Variants in PHF24 observed in about 807,000 individuals in gnomAD.
PHF24 encodes the protein Galpha inhibitory interacting protein.
A neutral mutation model predicts 42.6 loss-of-function variants in PHF24; 25 were observed. The observed-to-expected ratio is 0.59, with a 90% CI of 0.43 to 0.82. PHF24 has a LOEUF of 0.82. PHF24 is among the 40% of genes least tolerant of loss of function. The pLI is 0.00. For synonymous variants in PHF24, 185 were observed against 204.8 expected (o/e 0.90, Z 0.83); for missense variants, 470 against 538.1 (o/e 0.87, Z 1.25).
chr9:34,729,201 G>A, the PHF24 span: 1 of 1,439,362 alleles, frequency 6.9e-7, no homozygotes. Context: ...AAATTCTGGG[G>A]TGGGGATTAT....
At chr9:34,683,701 A>T in the PHF24 span, among the ~76,000 whole-genome samples, 1 of 152,230 alleles carries the variant, frequency 6.6e-6, no homozygotes, top group Admixed American at 6.5e-5. Flanking sequence ...ATTGGAAGCT[A>T]CTTGGGGGCA....
chr9:34,876,819 C>T, the PHF24 span, among the ~76,000 whole-genome samples: 1 of 152,142 alleles, frequency 6.6e-6, no homozygotes, highest in Non-Finnish European at 1.5e-5. Flanking sequence ...CAATTTTACT[C>T]CTGGGTATAT....
At chr9:34,688,597 C>T in the PHF24 span, among the ~76,000 whole-genome samples, 1 of 152,182 alleles carries the variant, frequency 6.6e-6, no homozygotes, top group Non-Finnish European at 1.5e-5. Context: ...CCGTGGGCCT[C>T]TCTCCTGTCT....
chr9:34,972,556 A>T (rs1477007612), intron 3 of PHF24, 25 bp downstream of exon 3: 1 of 1,567,504 alleles, frequency 6.4e-7, no homozygotes, highest in South Asian at 1.2e-5. Context: ...CAGGGACAGC[A>T]GAGGACTTGG....
chr9:34,886,864 C>CTATCTA, the PHF24 span, among the ~76,000 whole-genome samples: 1 of 71,812 alleles, frequency 1.4e-5, no homozygotes, highest in Non-Finnish European at 3.6e-5. Flanking sequence ...CTATCTATCT[C>CTATCTA]TGGCTGTCTA....
the PHF24 span, among the ~76,000 whole-genome samples, chr9:34,790,998 T>C: frequency 6.6e-6 from 1 of 152,226 alleles, no homozygotes; most frequent in Non-Finnish European, 1.5e-5. Context: ...ATGTAGGGGC[T>C]TGTAGGCCAA....
the PHF24 span, among the ~76,000 whole-genome samples, chr9:34,887,653 A>G: frequency 1.3e-5 from 2 of 152,076 alleles, no homozygotes; most frequent in African/African-American, 4.8e-5. Context: ...TTTCCTAGTG[A>G]TACCTTCCCT....
chr9:34,965,145 C>T (rs964186918), intron 1 of PHF24, among the ~76,000 whole-genome samples: 2 of 152,162 alleles, frequency 1.3e-5, no homozygotes, highest in Admixed American at 6.5e-5. Context: ...CCACTTGTTT[C>T]TCTAAAAATT....
chr9:34,748,484 G>A, the PHF24 span, among the ~76,000 whole-genome samples: 6 of 152,276 alleles, frequency 3.9e-5, no homozygotes, highest in African/African-American at 1.4e-4. Flanking sequence ...GGTGGCCACA[G>A]GCTTGCTTGT....
At chr9:34,800,170 T>C in the PHF24 span, among the ~76,000 whole-genome samples, 1 of 152,112 alleles carries the variant, frequency 6.6e-6, no homozygotes, top group Non-Finnish European at 1.5e-5. Context: ...AGTTACAGAA[T>C]TCAGAGGAAC....
the PHF24 span, among the ~76,000 whole-genome samples, chr9:34,875,942 ACACACACACTCTCT>A: frequency 7.4e-4 from 64 of 86,874 alleles, no homozygotes; most frequent in African/African-American, 3.3e-3. Flanking sequence ...ACACACACAC[ACACACACACTCTCT>A]CTCTCTCTCT....
chr9:34,764,764 T>C, the PHF24 span, among the ~76,000 whole-genome samples: 10 of 152,240 alleles, frequency 6.6e-5, no homozygotes, highest in African/African-American at 2.2e-4. Flanking sequence ...TTGCTCTTGC[T>C]TTTTCTAGTT....
chr9:34,933,359 G>A, the PHF24 span, among the ~76,000 whole-genome samples: 1 of 152,060 alleles, frequency 6.6e-6, no homozygotes, highest in African/African-American at 2.4e-5. Context: ...AACAAGCTGG[G>A]CACTATGCTA....
the PHF24 span, among the ~76,000 whole-genome samples, chr9:34,743,056 G>A: frequency 2.0e-5 from 3 of 152,206 alleles, no homozygotes; most frequent in African/African-American, 7.2e-5. Flanking sequence ...CAACACTGTA[G>A]TTAAAAGCAG....
intron 1 of PHF24, among the ~76,000 whole-genome samples, chr9:34,967,656 C>T (rs1826826370): frequency 1.3e-5 from 2 of 152,204 alleles, no homozygotes; most frequent in South Asian, 4.1e-4. Flanking sequence ...TCCCACCCAG[C>T]CATCGAACAC....
the PHF24 span, among the ~76,000 whole-genome samples, chr9:34,801,320 T>G: frequency 9.9e-5 from 15 of 152,226 alleles, no homozygotes; most frequent in African/African-American, 3.4e-4. Context: ...TTATAAGTCA[T>G]TCTACTATAA....
At chr9:34,833,800 C>T in the PHF24 span, 8 of 1,551,492 alleles carry the variant, frequency 5.2e-6, no homozygotes, top group Non-Finnish European at 7.0e-6. Flanking sequence ...GACTTATACA[C>T]TGTTCTTCAA....
chr9:34,764,166 G>T, the PHF24 span, among the ~76,000 whole-genome samples: 4 of 151,840 alleles, frequency 2.6e-5, no homozygotes, highest in African/African-American at 9.7e-5. Context: ...TCTCTTTTTT[G>T]GTTGTGTCTC....
chr9:34,766,676 G>C, the PHF24 span, among the ~76,000 whole-genome samples: 3 of 152,118 alleles, frequency 2.0e-5, no homozygotes, highest in African/African-American at 7.2e-5. Flanking sequence ...TAGTTTGAGC[G>C]TCTGAAGCCT....
Sources: allele counts gnomAD v4.1 joint callset (sites outside exome capture counted in the v4.1 genomes callset), GRCh38; gene constraint gnomAD v4.1.1; transcripts MANE v1.5; gene names NCBI Gene and HGNC (gene_info 2026-07-23, HGNC 2026-07-21).